Variants in NWD2 observed in about 807,000 individuals in gnomAD.
NWD2 encodes the protein NACHT and WD repeat domain-containing protein 2.
NWD2 carries 37 observed loss-of-function variants against 132.7 expected under a neutral mutation model. The observed-to-expected ratio is 0.28, with a 90% CI of 0.21 to 0.37. The LOEUF is 0.37. Among genes scored for constraint, NWD2 ranks in the 10% least tolerant of loss-of-function variants. The probability of loss-of-function intolerance (pLI) is 1.00; values close to 1 mark genes in which losing one functional copy is unlikely to be tolerated. For missense variants in NWD2, 1,592 were observed against 2,122.4 expected, an observed-to-expected ratio of 0.75 and a Z score of 4.91; for synonymous variants, 705 against 803.0, an observed-to-expected ratio of 0.88 and a Z score of 2.06.
At chr4:37,288,260 A>G (rs1403025932) in intron 1 of NWD2, among the ~76,000 whole-genome samples, 1 of 152,246 alleles carries the variant, frequency 6.6e-6, no homozygotes, top group Non-Finnish European at 1.5e-5. Flanking sequence ...TTGCACGTGT[A>G]TCTCAGAACT....
intron 2 of NWD2, among the ~76,000 whole-genome samples, chr4:37,352,545 C>A (rs1372645146): frequency 2.0e-5 from 3 of 152,140 alleles, no homozygotes; most frequent in African/African-American, 7.2e-5. Flanking sequence ...TCTGGGTGCT[C>A]CTGTATTGGG....
intron 1 of NWD2, among the ~76,000 whole-genome samples, chr4:37,255,208 C>A (rs1341280751): frequency 6.6e-6 from 1 of 152,100 alleles, no homozygotes; most frequent in Non-Finnish European, 1.5e-5. Context: ...ACAGACACTG[C>A]CGTTGTGAAA....
At chr4:37,285,658 C>T (rs1000956902) in intron 1 of NWD2, among the ~76,000 whole-genome samples, 3 of 152,060 alleles carry the variant, frequency 2.0e-5, no homozygotes, top group Non-Finnish European at 2.9e-5. Flanking sequence ...TTCATTTGAG[C>T]TGGGTAATAC....
chr4:37,386,866 G>A (rs961511094), intron 3 of NWD2, among the ~76,000 whole-genome samples: 16 of 151,352 alleles, frequency 1.1e-4, no homozygotes, highest in Non-Finnish European at 1.9e-4. Flanking sequence ...CCTCTCTCTC[G>A]GTCCCTCTCT....
chr4:37,429,288 A>C (rs146423091), intron 3 of NWD2, among the ~76,000 whole-genome samples: 125 of 151,994 alleles, frequency 8.2e-4, no homozygotes, highest in African/African-American at 2.6e-3. Flanking sequence ...TCTTTTCTCT[A>C]TATATATAAA....
chr4:37,300,007 C>G (rs1185500034), intron 1 of NWD2, among the ~76,000 whole-genome samples: 1 of 152,068 alleles, frequency 6.6e-6, no homozygotes, highest in Non-Finnish European at 1.5e-5. Flanking sequence ...ACATCGTGTC[C>G]TTTTCAAGCC....
chr4:37,441,896 G>A (rs1174822516), intron 6 of NWD2, among the ~76,000 whole-genome samples: 2 of 152,122 alleles, frequency 1.3e-5, no homozygotes, highest in African/African-American at 2.4e-5. Flanking sequence ...GTGATGGTAG[G>A]GCTGCTCTCT....
intron 1 of NWD2, among the ~76,000 whole-genome samples, chr4:37,273,528 A>G (rs983117886): frequency 6.6e-6 from 1 of 152,158 alleles, no homozygotes; most frequent in Non-Finnish European, 1.5e-5. Context: ...GCAATGAGAC[A>G]GAAAGTTAAC....
intron 1 of NWD2, among the ~76,000 whole-genome samples, chr4:37,294,181 G>A (rs1718427320): frequency 6.6e-6 from 1 of 151,952 alleles, no homozygotes; most frequent in South Asian, 2.1e-4. Context: ...TGTTGTAACA[G>A]CCTCTAATGT....
intron 6 of NWD2, among the ~76,000 whole-genome samples, chr4:37,440,442 C>T (rs757357731): frequency 1.3e-5 from 2 of 152,176 alleles, no homozygotes; most frequent in Non-Finnish European, 2.9e-5. Flanking sequence ...GCTAGGCAGC[C>T]TCAGTCACTC....
intron 2 of NWD2, among the ~76,000 whole-genome samples, chr4:37,326,524 A>G (rs548011875): frequency 3.3e-4 from 50 of 152,294 alleles, no homozygotes; most frequent in African/African-American, 1.2e-3. Context: ...AAAACATTAT[A>G]TCAGCCTTTC....
intron 1 of NWD2, among the ~76,000 whole-genome samples, chr4:37,276,993 G>T (rs1296372507): frequency 6.6e-6 from 1 of 152,062 alleles, no homozygotes; most frequent in Admixed American, 6.6e-5. Context: ...GTGGGGTTGG[G>T]GGATGGGGGA....
At chr4:37,387,879 G>A (rs937107035) in intron 3 of NWD2, among the ~76,000 whole-genome samples, 4 of 151,636 alleles carry the variant, frequency 2.6e-5, no homozygotes, top group African/African-American at 9.7e-5. Context: ...TCACCATGTT[G>A]GCCAGGCTGG....
intron 1 of NWD2, 67 bp downstream of exon 1, chr4:37,245,285 G>A: frequency 6.8e-7 from 1 of 1,460,378 alleles, no homozygotes; most frequent in Non-Finnish European, 9.1e-7. Flanking sequence ...GCTGGAGAGT[G>A]TGTGTCCGCC....
chr4:37,447,328 T>C lies in NWD2; in HGVS notation c.*111T>C. ...TTAAAAGGCAGGAGCGATGCTGGAA[T>C]TCCAGTGTTTTATTAAGATGTTCAT... On this transcript the variant is annotated 3_prime_UTR_variant, in exon 7 of 7. Transcript: ENST00000309447. The C allele has an allele frequency of 1.2e-6, 1 of 818,712 alleles. No homozygotes were observed. Among genetic ancestry groups the C allele is most frequent in the Non-Finnish European group, 1.9e-6 (1 of 529,816 alleles). The allele number at this position is 818,712 out of a possible 1,614,324, so 50.7% of individuals were successfully genotyped here.
chr4:37,276,518 G>A (rs1428863606), intron 1 of NWD2, among the ~76,000 whole-genome samples: 1 of 152,156 alleles, frequency 6.6e-6, no homozygotes, highest in Non-Finnish European at 1.5e-5. Context: ...TTCAACCATT[G>A]TGGAAGTCAG....
At chr4:37,316,473 T>G (rs1463532362) in intron 1 of NWD2, among the ~76,000 whole-genome samples, 1 of 152,162 alleles carries the variant, frequency 6.6e-6, no homozygotes, top group Admixed American at 6.5e-5. Context: ...TTTGTGTTTA[T>G]CCTAGTTGGG....
intron 1 of NWD2, among the ~76,000 whole-genome samples, chr4:37,257,160 T>G (rs1717537903): frequency 1.3e-5 from 2 of 152,058 alleles, no homozygotes. Flanking sequence ...ATCTTGGAGG[T>G]AGATCTTCAC....
chr4:37,388,866 G>A (rs1720626002), intron 3 of NWD2, among the ~76,000 whole-genome samples: 1 of 151,160 alleles, frequency 6.6e-6, no homozygotes, highest in Non-Finnish European at 1.5e-5. Context: ...TACATGTTAA[G>A]CAATAACTCT....
Sources: gnomAD v4.1 joint callset for allele counts (sites outside exome capture counted in the v4.1 genomes callset) on GRCh38, gnomAD v4.1.1 for gene constraint, MANE v1.5 for transcripts, NCBI Gene and HGNC (gene_info 2026-07-23, HGNC 2026-07-21) for gene names.